The following KCNK2 variants were observed in gnomAD, a reference collection of about 807,000 sequenced individuals.
The protein encoded by KCNK2 is potassium two pore domain channel subfamily K member 2.
Under a neutral mutation model 40.5 loss-of-function variants are expected in KCNK2, and 21 were observed. That is an observed-to-expected ratio of 0.52 (90% CI 0.37 to 0.75). The LOEUF is 0.75. KCNK2 is among the 30% of genes least tolerant of loss of function. KCNK2 has a pLI of 0.00. For synonymous variants in KCNK2, 191 were observed against 202.2 expected, an observed-to-expected ratio of 0.94 and a Z score of 0.47; for missense variants, 399 against 531.6, an observed-to-expected ratio of 0.75 and a Z score of 2.45.
At chr1:215,230,344 G>A (rs992198642) in intron 6 of KCNK2, among the ~76,000 whole-genome samples, 19 of 149,560 alleles carry the variant, frequency 1.3e-4, no homozygotes, top group Non-Finnish European at 2.7e-4. Context: ...GTAACACGAT[G>A]GTGAGTATTT....
chr1:215,140,229 C>A (rs1571657154), intron 3 of KCNK2, among the ~76,000 whole-genome samples: 2 of 152,076 alleles, frequency 1.3e-5, no homozygotes, highest in East Asian at 3.9e-4. Flanking sequence ...CTTTACTTTT[C>A]TAAGGGGGAA....
At chr1:215,087,218 A>G (rs1157363603) in intron 2 of KCNK2, among the ~76,000 whole-genome samples, 3 of 152,244 alleles carry the variant, frequency 2.0e-5, no homozygotes, top group Admixed American at 1.3e-4. Context: ...AATAAGTTGT[A>G]GCTTACCTCT....
chr1:215,117,001 G>T (rs1239676790), intron 2 of KCNK2, among the ~76,000 whole-genome samples: 1 of 151,826 alleles, frequency 6.6e-6, no homozygotes, highest in Admixed American at 6.6e-5. Flanking sequence ...TAAAGAAAAA[G>T]ATTATTGATG....
intron 5 of KCNK2, among the ~76,000 whole-genome samples, chr1:215,188,524 A>C (rs1314592720): frequency 6.6e-6 from 1 of 152,166 alleles, no homozygotes; most frequent in Non-Finnish European, 1.5e-5. Flanking sequence ...TGGAGTGCTC[A>C]GAGCTTGCTC....
chr1:215,033,424 T>C (rs536301657), intron 1 of KCNK2, among the ~76,000 whole-genome samples: 119 of 62,700 alleles, frequency 1.9e-3, no homozygotes, highest in African/African-American at 5.6e-3. Flanking sequence ...TTTTTGCCTT[T>C]TGGTATGTGA....
chr1:215,159,636 T>C (rs1237767351), intron 3 of KCNK2, among the ~76,000 whole-genome samples: 5 of 152,216 alleles, frequency 3.3e-5, no homozygotes, highest in Non-Finnish European at 4.4e-5. Flanking sequence ...TTTCCCTTCA[T>C]GTGTTCTTTT....
At chr1:215,147,543 G>A (rs907288669) in intron 3 of KCNK2, among the ~76,000 whole-genome samples, 4 of 152,072 alleles carry the variant, frequency 2.6e-5, no homozygotes, top group African/African-American at 4.8e-5. Flanking sequence ...CTAAAAACAC[G>A]AGATGTGGCC....
intron 3 of KCNK2, among the ~76,000 whole-genome samples, chr1:215,164,802 C>T (rs1663369104): frequency 6.6e-6 from 1 of 152,124 alleles, no homozygotes; most frequent in Admixed American, 6.6e-5. Context: ...ACACACTTAT[C>T]ACACGTTTGT....
At chr1:215,045,214 A>AT (rs1384327960) in intron 1 of KCNK2, among the ~76,000 whole-genome samples, 5 of 151,092 alleles carry the variant, frequency 3.3e-5, no homozygotes, top group African/African-American at 1.2e-4. Context: ...AAAACCAAAA[A>AT]AAAAAACCAC....
Position 215,235,120 on chromosome 1 carries a change from T to G in KCNK2, c.1256T>G (p.Ile419Ser). 1 of 1,598,476 alleles carries G rather than the reference T, an allele frequency of 6.3e-7. No homozygotes were observed. The highest frequency in any genetic ancestry group is 8.6e-7 in the Non-Finnish European group (1 of 1,166,980). Residue 419 changes from isoleucine (I) to serine (S), a missense_variant, in exon 7 of 7, where the codon ATT (isoleucine) becomes AGT (serine). Transcript: ENST00000444842. ...ACGCCACACTGTGCTGGTGAAGAGA[T>G]TGCTGTGATTGAGAACATCAAATAG... ...GLTPHCAGEE[I>S]AVIENIK
intron 1 of KCNK2, among the ~76,000 whole-genome samples, chr1:215,033,434 AT>A (rs34869899): frequency 0.85 from 129,441 of 151,934 alleles, 55,417 homozygotes; most frequent in East Asian, 0.99. Flanking sequence ...TTGGTATGTG[AT>A]TTTTTTTCTT....
At chr1:215,073,125 C>T (rs1012567805) in intron 1 of KCNK2, among the ~76,000 whole-genome samples, 4 of 152,002 alleles carry the variant, frequency 2.6e-5, no homozygotes, top group Admixed American at 6.6e-5. Flanking sequence ...TGGAGCGCTG[C>T]GTCTACAAGC....
chr1:215,189,306 T>C (rs929940852), intron 5 of KCNK2, among the ~76,000 whole-genome samples: 2 of 152,294 alleles, frequency 1.3e-5, no homozygotes, highest in Admixed American at 6.5e-5. Context: ...CATTCAGTGA[T>C]TGATAATTAC....
chr1:215,199,322 A>C (rs1213078469), intron 6 of KCNK2, among the ~76,000 whole-genome samples: 2 of 152,188 alleles, frequency 1.3e-5, no homozygotes, highest in African/African-American at 4.8e-5. Flanking sequence ...AAAAATAAAA[A>C]TAAAATAAAA....
intron 1 of KCNK2, among the ~76,000 whole-genome samples, chr1:215,066,296 C>T (rs1349067515): frequency 6.6e-6 from 1 of 151,974 alleles, no homozygotes; most frequent in Non-Finnish European, 1.5e-5. Context: ...TCAATAATTT[C>T]CTGTTTGAAT....
rs531498701 is a variant in KCNK2 at position 215,131,102 on chromosome 1, C to T, written c.475+6352C>T. Among the ~76,000 whole-genome samples, 801 of 151,068 alleles carry T rather than the reference C, an allele frequency of 5.3e-3. 5 individuals are homozygous for T. The highest frequency in any genetic ancestry group is 0.01 in the Middle Eastern group (3 of 292). ...GTCTCGATCTCCTGACCTTGTGATCCGCCCGCCTCGGCCTCCCAAAGTGCT... is the reference window on the plus strand; with the variant it reads ...GTCTCGATCTCCTGACCTTGTGATCTGCCCGCCTCGGCCTCCCAAAGTGCT... On this transcript the variant is annotated intron_variant, in intron 3 of 6. Coordinates refer to ENST00000444842, the MANE Select transcript of KCNK2 (RefSeq NM_001017425.3).
chr1:215,230,558 C>CAA (rs1666613066), intron 6 of KCNK2, among the ~76,000 whole-genome samples: 2 of 46,616 alleles, frequency 4.3e-5, no homozygotes, highest in Non-Finnish European at 8.5e-5. Context: ...CACATAACAG[C>CAA]CATATATATA....
intron 1 of KCNK2, among the ~76,000 whole-genome samples, chr1:215,060,771 G>A (rs1391256084): frequency 9.9e-5 from 15 of 152,026 alleles, no homozygotes; most frequent in Admixed American, 9.2e-4. Context: ...TAAAATATGG[G>A]ACTAATAATA....
At chr1:215,133,996 G>A (rs1447553914) in intron 3 of KCNK2, among the ~76,000 whole-genome samples, 6 of 152,120 alleles carry the variant, frequency 3.9e-5, no homozygotes, top group Non-Finnish European at 7.3e-5. Flanking sequence ...TTTGGTTGGT[G>A]TGTCCTACCT....
Sources: allele counts gnomAD v4.1 joint callset (sites outside exome capture counted in the v4.1 genomes callset), GRCh38; gene constraint gnomAD v4.1.1; transcripts MANE v1.5; gene names NCBI Gene and HGNC (gene_info 2026-07-23, HGNC 2026-07-21).